BCCIP: variants seen among roughly 807,000 people sequenced by gnomAD.
BCCIP encodes BRCA2 and CDKN1A interacting protein, also known as BRCA2 and CDKN1A-interacting protein.
Under a neutral mutation model 32.8 loss-of-function variants are expected in BCCIP, and 23 were observed. The observed-to-expected ratio is 0.70, with a 90% confidence interval of 0.51 to 0.99. The LOEUF is 0.99. Among genes scored for constraint, BCCIP ranks in the 50% least tolerant of loss-of-function variants. The pLI is 0.00. For missense variants in BCCIP, 378 were observed against 379.8 expected, an observed-to-expected ratio of 1.00 and a Z score of 0.04; for synonymous variants, 144 against 137.6, an observed-to-expected ratio of 1.05 and a Z score of -0.33.
downstream of BCCIP, among the ~76,000 whole-genome samples, chr10:125,843,837 G>A (rs992330128): frequency 6.6e-6 from 1 of 152,228 alleles, no homozygotes; most frequent in Non-Finnish European, 1.5e-5. Flanking sequence ...GCTACTAGGA[G>A]TGAGGGGGCA....
downstream of BCCIP, chr10:125,838,890 T>A: frequency 8.1e-7 from 1 of 1,238,274 alleles, no homozygotes; most frequent in East Asian, 2.4e-5. Context: ...TAACATGGAT[T>A]TTTAGTTTTA....
At chr10:125,826,996 T>TTAAAAAAAAAAAA (rs774476983) in intron 2 of BCCIP, among the ~76,000 whole-genome samples, 6 of 129,318 alleles carry the variant, frequency 4.6e-5, no homozygotes, top group African/African-American at 1.2e-4. Flanking sequence ...CCTCTGTCTC[T>TTAAAAAAAAAAAA]AAAAAAAAAG....
At chr10:125,842,666 T>C (rs1854914620) in exon 7 of BCCIP, 1 of 197,752 alleles carries the variant, frequency 5.1e-6, no homozygotes, top group Non-Finnish European at 9.1e-6. Flanking sequence ...TAGCATCCAG[T>C]AGAGAGGCAT....
At chr10:125,839,289 T>C (rs1001975237), downstream of BCCIP, 5 of 1,259,332 alleles carry the variant, frequency 4.0e-6, no homozygotes, top group Non-Finnish European at 5.5e-6. Context: ...TGCTCTCCTC[T>C]CCTACAAAGG....
At position 125,836,335 on chromosome 10, in the gene BCCIP, G is replaced by T; in HGVS notation, c.*61G>T. The T allele has an allele frequency of 6.2e-7, 1 of 1,609,948 alleles. No homozygotes were observed. The highest frequency in any genetic ancestry group is 8.5e-7 in the Non-Finnish European group (1 of 1,178,526). Reference sequence around the variant, plus strand: ...TAAAATTACCAGAAAACTCAGTGGAGATTTACTGAAAAACTCAGACTTTAT... The same window carrying T: ...TAAAATTACCAGAAAACTCAGTGGATATTTACTGAAAAACTCAGACTTTAT... On this transcript the variant is annotated 3_prime_UTR_variant, in exon 7 of 7. Transcript: ENST00000278100.
At chr10:125,852,113 G>A (rs1944098386) in intron 7 of BCCIP, among the ~76,000 whole-genome samples, 1 of 152,018 alleles carries the variant, frequency 6.6e-6, no homozygotes, top group African/African-American at 2.4e-5. Context: ...GAGGTTTGTG[G>A]GGTTTTAAAA....
downstream of BCCIP, chr10:125,841,504 T>TA: frequency 4.8e-6 from 7 of 1,448,740 alleles, no homozygotes; most frequent in Non-Finnish European, 5.4e-6. Flanking sequence ...TATGTTTTCA[T>TA]ACATCTGATG....
downstream of BCCIP, chr10:125,840,755 C>T (rs1368531347): frequency 9.3e-6 from 13 of 1,401,036 alleles, no homozygotes; most frequent in Middle Eastern, 2.1e-4. Flanking sequence ...GTAGGGCTGG[C>T]GAAGAATGTT....
intron 3 of BCCIP, among the ~76,000 whole-genome samples, chr10:125,830,301 A>G (rs1854492353): frequency 6.6e-6 from 1 of 152,252 alleles, no homozygotes; most frequent in Non-Finnish European, 1.5e-5. Context: ...CAATCTGTTC[A>G]GAATCTGAAA....
chr10:125,840,362 G>A (rs1431071148), downstream of BCCIP, among the ~76,000 whole-genome samples: 6 of 152,174 alleles, frequency 3.9e-5, no homozygotes, highest in African/African-American at 9.7e-5. Context: ...ATCAAGCTCC[G>A]TCAGCAACTC....
intron 6 of BCCIP, among the ~76,000 whole-genome samples, 162 bp from the exon 7 acceptor site, chr10:125,835,942 C>T (rs1854668791): frequency 6.6e-6 from 1 of 152,210 alleles, no homozygotes; most frequent in South Asian, 2.1e-4. Flanking sequence ...TAACTTCTGC[C>T]TGAATGTCCC....
chr10:125,826,546 G>C (rs1854392798), intron 1 of BCCIP, 45 bp from the exon 2 acceptor site: 1 of 1,609,930 alleles, frequency 6.2e-7, no homozygotes, highest in East Asian at 2.2e-5. Context: ...AAGTCTAGAT[G>C]TTTGTAGTTT....
At chr10:125,830,986 G>A (rs1854509289) in intron 4 of BCCIP, among the ~76,000 whole-genome samples, 1 of 152,160 alleles carries the variant, frequency 6.6e-6, no homozygotes, top group South Asian at 2.1e-4. Flanking sequence ...CTGCCTCAAT[G>A]TTGAGGGCAT....
chr10:125,830,975 G>A (rs1487266467), intron 4 of BCCIP, among the ~76,000 whole-genome samples: 1 of 152,188 alleles, frequency 6.6e-6, no homozygotes, highest in African/African-American at 2.4e-5. Context: ...CTCAGGCTTT[G>A]CTGCCTCAAT....
downstream of BCCIP, chr10:125,838,951 T>C (rs1375080137): frequency 6.5e-7 from 1 of 1,533,340 alleles, no homozygotes; most frequent in Admixed American, 1.8e-5. Flanking sequence ...ATATCCTGAG[T>C]ATGTGCAATT....
At chr10:125,830,510 C>T in intron 3 of BCCIP, 52 bp from the exon 4 acceptor site, 1 of 1,217,036 alleles carries the variant, frequency 8.2e-7, no homozygotes, top group African/African-American at 1.6e-5. Flanking sequence ...TGGTTTTATA[C>T]TCTTGGTATT....
chr10:125,837,190 G>A (rs913082612), downstream of BCCIP, among the ~76,000 whole-genome samples: 3 of 152,164 alleles, frequency 2.0e-5, no homozygotes, highest in Non-Finnish European at 2.9e-5. Flanking sequence ...AGAGAGCTTT[G>A]GGTAGGGGAG....
chr10:125,842,725 C>A, exon 7 of BCCIP: 1 of 658,866 alleles, frequency 1.5e-6, no homozygotes, highest in Non-Finnish European at 1.9e-6. Context: ...TTAATCACAA[C>A]TGACCTGGAT....
In BCCIP at chr10:125,823,705, G is replaced by A. The variant is rs372250278; in HGVS notation, c.148G>A (p.Asp50Asn). The change falls in exon 1 of 7, where the codon GAC (aspartate) becomes AAC (asparagine). Residue 50 changes from aspartate to asparagine, a missense_variant. Coordinates refer to ENST00000278100, the MANE Select transcript of BCCIP (RefSeq NM_078468.3). ...CAGTGACAAGGAAAAGGATGAAGAGGACGAGGTCATTGACGAGGTGAGAAG... is the reference window on the plus strand; with the variant it reads ...CAGTGACAAGGAAAAGGATGAAGAGAACGAGGTCATTGACGAGGTGAGAAG... ...DDSDKEKDEE[D>N]EVIDEEVNIE... 3 of 1,613,988 alleles carry A rather than the reference G, an allele frequency of 1.9e-6. No individual in the cohort carries two copies. The African/African-American group carries it at 4.0e-5, about 22-fold the overall frequency.
Sources: allele counts gnomAD v4.1 joint callset (sites outside exome capture counted in the v4.1 genomes callset), GRCh38; gene constraint gnomAD v4.1.1; transcripts MANE v1.5; gene names NCBI Gene and HGNC (gene_info 2026-07-23, HGNC 2026-07-21).